The following EML1 variants were observed in gnomAD, a reference collection of about 807,000 sequenced individuals.
The protein encoded by EML1 is EMAP like 1.
Under a neutral mutation model 110.4 loss-of-function variants are expected in EML1, and 27 were observed. The ratio of observed to expected loss-of-function variants is 0.24; its 90% confidence interval spans 0.18 to 0.34. EML1 has a LOEUF of 0.34. Among genes scored for constraint, EML1 ranks in the 10% least tolerant of loss-of-function variants. The pLI, the probability that EML1 is intolerant of heterozygous loss-of-function variation, is 1.00. For missense variants in EML1, 741 were observed against 1,030.9 expected (o/e 0.72, Z 3.85); for synonymous variants, 344 against 385.8 (o/e 0.89, Z 1.27).
At chr14:99,801,179 C>G (rs1007278557) in intron 1 of EML1, among the ~76,000 whole-genome samples, 5 of 152,198 alleles carry the variant, frequency 3.3e-5, no homozygotes, top group East Asian at 1.9e-4. Context: ...TTAAAGATAA[C>G]AAGGATAGAA....
chr14:99,913,186 A>T lies in EML1; in HGVS notation c.1495-993A>T, dbSNP rs1015659308. On this transcript the variant is annotated intron_variant, in intron 13 of 21. Transcript: ENST00000262233. ...AGTGTTATTATTATTATTATTATTA[A>T]TTATTATTATTTTCAGACAGGGTCT... 1.5e-4 allele frequency among the ~76,000 whole-genome samples: 22 copies of T among 149,696 alleles called. No homozygotes were observed. In the East Asian group the frequency reaches 3.5e-3, roughly 24 times the overall value.
At chr14:99,822,772 T>C (rs2058285857) in intron 1 of EML1, among the ~76,000 whole-genome samples, 1 of 151,998 alleles carries the variant, frequency 6.6e-6, no homozygotes, top group Non-Finnish European at 1.5e-5. Flanking sequence ...CTGCAGGGGG[T>C]GGCAGTAGAG....
chr14:99,871,624 G>A (rs2059207000), intron 3 of EML1, among the ~76,000 whole-genome samples: 1 of 152,178 alleles, frequency 6.6e-6, no homozygotes, highest in Non-Finnish European at 1.5e-5. Flanking sequence ...ATGACTCTGA[G>A]GCAATTCAAG....
At chr14:99,856,386 T>A (rs2058902112) in intron 2 of EML1, among the ~76,000 whole-genome samples, 1 of 152,248 alleles carries the variant, frequency 6.6e-6, no homozygotes, top group Admixed American at 6.5e-5. Flanking sequence ...AGCACATCAT[T>A]GTGTGAAATA....
intron 1 of EML1, among the ~76,000 whole-genome samples, chr14:99,823,342 T>G (rs2058296589): frequency 6.6e-6 from 1 of 151,934 alleles, no homozygotes; most frequent in East Asian, 1.9e-4. Flanking sequence ...TGTGGCTGTG[T>G]CCCCACTTAG....
rs2060560892 is a variant in EML1 at position 99,940,025 on chromosome 14, C to T, written c.2361C>T (p.Val787=). 1.9e-6 allele frequency: 3 copies of T among 1,600,134 alleles called. No individual in the cohort carries two copies. Among genetic ancestry groups the T allele is most frequent in the Non-Finnish European group, 1.7e-6 (2 of 1,173,262 alleles). ...SHIYGGHSSH[V]TNVDFLCEDS... Reference sequence around the variant, plus strand: ...TCTACGGCGGGCACAGCAGCCATGTCACCAATGTCGATTTCCTCTGTGAAG... The same window carrying T: ...TCTACGGCGGGCACAGCAGCCATGTTACCAATGTCGATTTCCTCTGTGAAG... Residue 787 remains valine (V), a synonymous_variant, in exon 22 of 22, where the codon GTC becomes GTT. Coordinates refer to ENST00000262233, the MANE Select transcript of EML1 (RefSeq NM_004434.3).
At chr14:99,886,282 C>T (rs1412094558) in intron 4 of EML1, among the ~76,000 whole-genome samples, 1 of 152,126 alleles carries the variant, frequency 6.6e-6, no homozygotes, top group African/African-American at 2.4e-5. Flanking sequence ...AGGAGTTTGA[C>T]ACCAGCCTGG....
chr14:99,812,558 C>T (rs1051616550), intron 1 of EML1, among the ~76,000 whole-genome samples: 2 of 151,666 alleles, frequency 1.3e-5, no homozygotes, highest in African/African-American at 2.4e-5. Flanking sequence ...ATGCATTGTC[C>T]CACGGCCCTC....
intron 1 of EML1, among the ~76,000 whole-genome samples, chr14:99,847,392 C>G (rs933088234): frequency 6.6e-6 from 1 of 152,064 alleles, no homozygotes; most frequent in Non-Finnish European, 1.5e-5. Flanking sequence ...ATTCTGTTTT[C>G]GAGGCTGGAG....
chr14:99,799,459 A>G (rs1566870278), intron 1 of EML1, among the ~76,000 whole-genome samples: 1 of 152,254 alleles, frequency 6.6e-6, no homozygotes, highest in Non-Finnish European at 1.5e-5. Context: ...AAGTATTTTC[A>G]GGCCTCTTTT....
chr14:99,881,421 GCA>G (rs533661341), intron 4 of EML1, among the ~76,000 whole-genome samples: 13 of 152,222 alleles, frequency 8.5e-5, no homozygotes, highest in African/African-American at 2.9e-4. Context: ...TTCCATCTCA[GCA>G]CTATTTCTCA....
rs772116977 is a variant in EML1 at position 99,939,158 on chromosome 14, C to T, written c.2192-39C>T. ...CCTGCGCCATGTGGCCCTGTGGCCC[C>T]TGGTGTTTCCAGCGCCCTGTTTGTG... is the stretch of plus-strand genomic sequence containing the variant. On this transcript the variant is annotated intron_variant, in intron 20 of 21. Transcript: ENST00000262233. This position sits in a 1 kb window ranked among gnomAD's most constrained non-coding sequence, Gnocchi z 4.2. 8.7e-6 allele frequency: 14 copies of T among 1,609,842 alleles called. No homozygotes were observed. The African/African-American group carries it at 1.7e-4, about 20-fold the overall frequency.
chr14:99,755,620 C>T (rs1461371224), intron 1 of EML1, among the ~76,000 whole-genome samples: 1 of 152,138 alleles, frequency 6.6e-6, no homozygotes, highest in Non-Finnish European at 1.5e-5. Flanking sequence ...GGCTGTGTGG[C>T]GCTGGACCAG....
At chr14:99,820,663 G>A (rs1044452562) in intron 1 of EML1, among the ~76,000 whole-genome samples, 5 of 152,114 alleles carry the variant, frequency 3.3e-5, no homozygotes, top group African/African-American at 4.8e-5. Flanking sequence ...CTTGTATACC[G>A]GTGTCTTAAC....
intron 4 of EML1, among the ~76,000 whole-genome samples, chr14:99,883,953 C>T (rs2059432211): frequency 6.6e-6 from 1 of 152,234 alleles, no homozygotes; most frequent in African/African-American, 2.4e-5. Context: ...ATCACTATAA[C>T]AAAAGAAGGT....
intron 16 of EML1, among the ~76,000 whole-genome samples, chr14:99,920,105 T>C (rs2060105027): frequency 2.0e-5 from 3 of 152,180 alleles, no homozygotes; most frequent in African/African-American, 7.2e-5. Context: ...TGTGTGCTTA[T>C]CAGAGGATAC....
chr14:99,821,769 G>A (rs969154104), intron 1 of EML1, among the ~76,000 whole-genome samples: 2 of 152,228 alleles, frequency 1.3e-5, no homozygotes, highest in African/African-American at 4.8e-5. Flanking sequence ...AACACATGAT[G>A]AAATGGAATA....
intron 9 of EML1, among the ~76,000 whole-genome samples, chr14:99,902,366 ATTTC>A (rs2059776858): frequency 6.6e-6 from 1 of 152,072 alleles, no homozygotes; most frequent in African/African-American, 2.4e-5. Flanking sequence ...CATTGCTTTT[ATTTC>A]TTCTGAGCCG....
At chr14:99,820,921 C>G (rs2058250279) in intron 1 of EML1, among the ~76,000 whole-genome samples, 1 of 152,072 alleles carries the variant, frequency 6.6e-6, no homozygotes, top group Non-Finnish European at 1.5e-5. Context: ...AACAGTGGAA[C>G]CACTTGCCTT....
Sources: allele counts gnomAD v4.1 joint callset (sites outside exome capture counted in the v4.1 genomes callset), GRCh38; gene constraint gnomAD v4.1.1; non-coding constraint Gnocchi (gnomAD v3.1); transcripts MANE v1.5; gene names NCBI Gene and HGNC (gene_info 2026-07-23, HGNC 2026-07-21).